The following NDRG2 variants were observed in gnomAD, a reference collection of about 807,000 sequenced individuals.
NDRG2 encodes the protein NDRG family member 2, also known as protein NDRG2.
In NDRG2, 34 loss-of-function variants were observed where a neutral mutation model predicts 58.2. The observed-to-expected ratio is 0.58, with a 90% CI of 0.44 to 0.78. The LOEUF is 0.78. NDRG2 is among the 30% of genes least tolerant of loss of function. NDRG2 has a pLI of 0.00. For missense variants in NDRG2, 434 were observed against 471.2 expected (o/e 0.92, Z 0.73); for synonymous variants, 187 against 175.9 (o/e 1.06, Z -0.50).
At chr14:21,052,631 C>T (rs570679581) in intron 1 of NDRG2, among the ~76,000 whole-genome samples, 35 of 152,258 alleles carry the variant, frequency 2.3e-4, no homozygotes, top group East Asian at 5.8e-4. Flanking sequence ...GCCACTCATA[C>T]GGAATGGGTA....
At chr14:21,066,071 C>T (rs1886246362) in intron 1 of NDRG2, among the ~76,000 whole-genome samples, 1 of 152,128 alleles carries the variant, frequency 6.6e-6, no homozygotes, top group Non-Finnish European at 1.5e-5. Context: ...TGCACTCCAG[C>T]CTGGGCGACA....
At chr14:21,025,075 G>C, upstream of NDRG2, 4 of 986,044 alleles carry the variant, frequency 4.1e-6, no homozygotes, top group Non-Finnish European at 4.8e-6. This position sits in a 1 kb window ranked among gnomAD's most constrained non-coding sequence, Gnocchi z 5.1. Flanking sequence ...TTTGACTCGG[G>C]CCCGCCCCGG....
upstream of NDRG2, chr14:21,030,698 C>CATGG (rs1278153488): frequency 2.5e-6 from 4 of 1,614,076 alleles, no homozygotes; most frequent in African/African-American, 4.0e-5. Flanking sequence ...ACTGTGGCAT[C>CATGG]ATGGATGGCA....
chr14:21,043,024 T>C, intron 1 of NDRG2: 1 of 1,614,130 alleles, frequency 6.2e-7, no homozygotes, highest in South Asian at 1.1e-5. Flanking sequence ...TTCTGCCCCC[T>C]TCTGCTGCTT....
rs1176973247 is a variant in NDRG2, at chr14:21,017,432, G to A, written c.*164C>T. ...CTTCCAGGAGCTGGGGGGAATCACG[G>A]GTTAAAGGTCAAGGTTAGGGTAGCA... On this transcript the variant is annotated 3_prime_UTR_variant, in exon 16 of 16. Transcript: ENST00000556147. 3.8e-6 allele frequency: 3 copies of A among 779,934 alleles called. No individual in the cohort carries two copies. Among genetic ancestry groups the A allele is most frequent in the Non-Finnish European group, 6.1e-6 (3 of 492,940 alleles). 48.3% of individuals were successfully genotyped at this position (779,934 alleles called of 1,614,324 possible).
chr14:21,018,565 G>A (rs1566453892), intron 12 of NDRG2, 61 bp from the exon 13 acceptor site: 31 of 1,594,164 alleles, frequency 1.9e-5, no homozygotes, highest in Non-Finnish European at 2.6e-5. Flanking sequence ...TCCCCCGTAA[G>A]GGACCCAGGA....
At chr14:21,041,838 A>C (rs1202823658) in intron 1 of NDRG2, among the ~76,000 whole-genome samples, 1 of 152,222 alleles carries the variant, frequency 6.6e-6, no homozygotes, top group African/African-American at 2.4e-5. Flanking sequence ...GGATGGTGCC[A>C]GGCCTCGTGA....
chr14:21,037,904 A>G (rs1462077328), intron 1 of NDRG2, among the ~76,000 whole-genome samples: 3 of 152,202 alleles, frequency 2.0e-5, no homozygotes, highest in Non-Finnish European at 4.4e-5. Context: ...GTAAGCATTT[A>G]TAGAACAACT....
intron 1 of NDRG2, chr14:21,048,680 T>C (rs1027202833): frequency 6.6e-6 from 1 of 152,240 alleles, no homozygotes; most frequent in African/African-American, 2.4e-5. Context: ...CTTAGTACAG[T>C]GACTAGCATG....
chr14:21,043,500 T>G, intron 1 of NDRG2: 1 of 1,414,584 alleles, frequency 7.1e-7, no homozygotes, highest in African/African-American at 1.4e-5. Flanking sequence ...TGACCTTCAA[T>G]TCCCTCTCCA....
At chr14:21,028,156 T>A (rs1015460174), upstream of NDRG2, among the ~76,000 whole-genome samples, 22 of 152,200 alleles carry the variant, frequency 1.4e-4, no homozygotes, top group Non-Finnish European at 2.8e-4. Context: ...CACTCCCAAG[T>A]AGCCTGTCAA....
chr14:21,070,264 C>T lies in NDRG2; in HGVS notation c.24+564G>A. 2 of 982,626 alleles carry T rather than the reference C, an allele frequency of 2.0e-6. No individual in the cohort carries two copies. The highest frequency in any genetic ancestry group is 1.3e-6 in the Non-Finnish European group (1 of 774,556). 60.9% of individuals were successfully genotyped at this position (982,626 alleles called of 1,614,324 possible). On this transcript the variant is annotated intron_variant, in intron 1 of 14. Coordinates refer to the NDRG2 transcript ENST00000403829. This position sits in a 1 kb window ranked among gnomAD's most constrained non-coding sequence, Gnocchi z 4.7. ...GGGCCCCGCGGCCTGGAAGCCGGAG[C>T]GGGCCGAGCCGCCACCGCGGCCGGA...
intron 1 of NDRG2, chr14:21,034,924 C>T (rs764104656): frequency 6.6e-6 from 1 of 152,464 alleles, no homozygotes; most frequent in Non-Finnish European, 1.5e-5. Context: ...ATCTCCTTGC[C>T]AAAAGTTCCT....
intron 1 of NDRG2, chr14:21,058,203 C>T (rs750634723): frequency 3.7e-6 from 6 of 1,614,142 alleles, no homozygotes; most frequent in Non-Finnish European, 5.1e-6. Flanking sequence ...GGGCCCATGT[C>T]CCTGACCATG....
chr14:21,025,277 G>C (rs1022641740), upstream of NDRG2: 5 of 912,220 alleles, frequency 5.5e-6, no homozygotes, highest in South Asian at 2.0e-4. This position sits in a 1 kb window ranked among gnomAD's most constrained non-coding sequence, Gnocchi z 5.1. Flanking sequence ...GGCTCTGCTC[G>C]GCTCACCAAA....
rs1004100468 is a variant in NDRG2 at position 21,030,859 on chromosome 14, C to A, written c.25-7538G>T. On this transcript the variant is annotated intron_variant, in intron 1 of 14. Transcript: ENST00000403829. The stretch of plus-strand genomic sequence containing the variant: ...CATTTGCAGTGGGCCTACCAAGCAC[C>A]ACAGGGTACCTGGCGCTGTGCTATC... 5.9e-6 allele frequency: 9 copies of A among 1,513,496 alleles called. No homozygotes were observed. The South Asian group carries it at 1.1e-4, about 19-fold the overall frequency. 93.8% of individuals were successfully genotyped at this position (1,513,496 alleles called of 1,614,324 possible).
chr14:21,020,157 G>T, intron 8 of NDRG2, 181 bp from the exon 9 acceptor site: 1 of 587,060 alleles, frequency 1.7e-6, no homozygotes, highest in Non-Finnish European at 3.1e-6. Flanking sequence ...AGCCAGGCGT[G>T]GTGGCGGGTG....
Position 21,023,306 on chromosome 14 carries a change from G to T in NDRG2, c.10C>A (p.Leu4Met), listed in dbSNP as rs1404581287. Reference protein sequence around the residue: MAELQEVQITEEKP... With the variant: MAEMQEVQITEEKP... ...TCCTCTGTGATCTGCACCTCCTGCA[G>T]CTCCGCCATGGTGGCCTGGCAGGAT... The change falls in exon 2 of 16, where the codon CTG (leucine) becomes ATG (methionine). Residue 4 changes from leucine to methionine, a missense_variant. Transcript: ENST00000556147. 6.2e-7 allele frequency: 1 copy of T among 1,613,556 alleles called. No homozygotes were observed. Among genetic ancestry groups the T allele is most frequent in the African/African-American group, 1.3e-5 (1 of 74,946 alleles).
Position 21,023,320 on chromosome 14 carries a change from G to A in NDRG2, c.-5C>T, listed in dbSNP as rs1333622423. The A allele has an allele frequency of 1.2e-6, 2 of 1,612,650 alleles. No individual in the cohort carries two copies. The highest frequency in any genetic ancestry group is 2.7e-5 in the African/African-American group (2 of 74,886). ...CACCTCCTGCAGCTCCGCCATGGTG[G>A]CCTGGCAGGATGAGGAAATGAGACT... On this transcript the variant is annotated splice_region_variant and 5_prime_UTR_variant, in exon 2 of 16. Transcript: ENST00000556147.
Sources: allele counts gnomAD v4.1 joint callset (sites outside exome capture counted in the v4.1 genomes callset), GRCh38; gene constraint gnomAD v4.1.1; non-coding constraint Gnocchi (gnomAD v3.1); transcripts MANE v1.5; gene names NCBI Gene and HGNC (gene_info 2026-07-23, HGNC 2026-07-21).